Variants in EGR4 observed in about 807,000 individuals in gnomAD.
The protein encoded by EGR4 is early growth response protein 4.
In EGR4, 22 loss-of-function variants were observed where a neutral mutation model predicts 25.4. The ratio of observed to expected loss-of-function variants is 0.87; its 90% CI spans 0.62 to 1.24. The LOEUF (loss-of-function observed/expected upper bound fraction) is 1.24. Among genes scored for constraint, EGR4 ranks in the 50% most tolerant of loss-of-function variants. The pLI is 0.00. For synonymous variants in EGR4, 375 were observed against 320.1 expected (o/e 1.17, Z -1.83); for missense variants, 742 against 702.9 (o/e 1.06, Z -0.63).
At position 73,292,387 on chromosome 2, in the gene EGR4, G is replaced by A. The variant is rs773828662; in HGVS notation, c.531C>T (p.Leu177=). ...GGCCGGGCTTGACGTCGGGCGGGGAGAGCTGAGGCTCATACAGGCACTGCG... is the reference window on the plus strand; with the variant it reads ...GGCCGGGCTTGACGTCGGGCGGGGAAAGCTGAGGCTCATACAGGCACTGCG... ...APSQCLYEPQ[L]SPPDVKPGLR... The change falls in exon 2 of 2, where the codon CTC becomes CTT. Residue 177 remains leucine, a synonymous_variant. Coordinates refer to ENST00000436467, the MANE Select transcript of EGR4 (RefSeq NM_001965.4). The A allele has an allele frequency of 5.9e-6, 9 of 1,535,922 alleles. No individual in the cohort carries two copies. The African/African-American group carries it at 8.3e-5, about 14-fold the overall frequency.
chr2:73,292,902 T>C (rs960965107), intron 1 of EGR4, 121 bp from the exon 2 acceptor site: 4 of 1,184,288 alleles, frequency 3.4e-6, no homozygotes, highest in Non-Finnish European at 4.3e-6. Context: ...CACATTCTGA[T>C]TCAGCAGGGG....
chr2:73,291,666 T>TGCGGAG lies in EGR4; in HGVS notation c.1246_1251dup (p.Leu416_Arg417dup). 6.2e-7 allele frequency: 1 copy of TGCGGAG among 1,611,254 alleles called. No individual in the cohort carries two copies. Among genetic ancestry groups the TGCGGAG allele is most frequent in the Non-Finnish European group, 8.5e-7 (1 of 1,179,874 alleles). On this transcript the variant is annotated inframe_insertion, in exon 2 of 2. Transcript: ENST00000436467. Reference sequence around the variant, plus strand: ...GTGAGGTGGTCGCTGCGGCTGAAGTTGCGGAGGCAGATGCGGCACTGGAAG... The same window carrying TGCGGAG: ...GTGAGGTGGTCGCTGCGGCTGAAGTTGCGGAGGCGGAGGCAGATGCGGCACTGGAAG...
At position 73,293,356 on chromosome 2, in the gene EGR4, G is replaced by A. The variant is rs1441932303; in HGVS notation, c.-39C>T. Reference sequence around the variant, plus strand: ...CTGTGGGGCGCCCGGGGCCTCGCCCGCTGGGCTTGGGGGCGCGCGGGTGGC... The same window carrying A: ...CTGTGGGGCGCCCGGGGCCTCGCCCACTGGGCTTGGGGGCGCGCGGGTGGC... On this transcript the variant is annotated 5_prime_UTR_variant, in exon 1 of 2. Transcript: ENST00000436467. 3 of 1,533,614 alleles carry A rather than the reference G, an allele frequency of 2.0e-6. No individual in the cohort carries two copies. The highest frequency in any genetic ancestry group is 2.5e-5 in the East Asian group (1 of 39,974).
chr2:73,293,075 G>C, intron 1 of EGR4, 107 bp downstream of exon 1: 1 of 1,151,432 alleles, frequency 8.7e-7, no homozygotes, highest in Non-Finnish European at 1.1e-6. Context: ...GCTTCCCATC[G>C]CCCCTATTCT....
Position 73,291,621 on chromosome 2 carries a change from T to A in EGR4, c.1297A>T (p.Thr433Ser). Residue 433 changes from threonine to serine, a missense_variant, in exon 2 of 2, where the codon ACC becomes TCC. Physicochemically the swap from Thr to Ser is moderately conservative, Grantham distance 58. Transcript: ENST00000436467. ...DHLTTHVRTH[T>S]GEKPFACDVC... The stretch of plus-strand genomic sequence containing the variant: ...TCGCAAGCAAAAGGCTTCTCGCCGG[T>A]GTGGGTGCGCACGTGCGTGGTGAGG... 1 of 1,612,700 alleles carries A rather than the reference T, an allele frequency of 6.2e-7. No individual in the cohort carries two copies. Among genetic ancestry groups the A allele is most frequent in the East Asian group, 2.2e-5 (1 of 44,840 alleles).
In EGR4 at chr2:73,292,411, C is replaced by T. The variant is rs934565954; in HGVS notation, c.507G>A (p.Ser169=). 14 of 1,502,292 alleles carry T rather than the reference C, an allele frequency of 9.3e-6. No homozygotes were observed. Among genetic ancestry groups the T allele is most frequent in the Non-Finnish European group, 8.9e-6 (10 of 1,127,238 alleles). 93.1% of individuals were successfully genotyped at this position (1,502,292 alleles called of 1,614,324 possible). A position where few individuals can be genotyped will look rare whatever the true frequency, so the allele number is the denominator to read the frequency against. ...WEASPCAGAP[S]QCLYEPQLSP... is the part of the protein sequence containing the mutation. ...AGAGCTGAGGCTCATACAGGCACTG[C>T]GAGGGGGCACCCGCGCAAGGCGAGG... Residue 169 remains serine (S), a synonymous_variant, in exon 2 of 2, where the codon TCG becomes TCA. Coordinates refer to ENST00000436467, the MANE Select transcript of EGR4 (RefSeq NM_001965.4).
Position 73,291,993 on chromosome 2 carries a change from G to A in EGR4, c.925C>T (p.Pro309Ser). 1.2e-6 allele frequency: 2 copies of A among 1,601,616 alleles called. No individual in the cohort carries two copies. The highest frequency in any genetic ancestry group is 1.1e-5 in the South Asian group (1 of 88,920). ...DGGEFLASTQ[P>S]QLSPLGLRSA... ...CGAAGGCCCAGCGGGGAAAGCTGAG[G>A]CTGCGTACTGGCCAGAAACTCTCCG... The change falls in exon 2 of 2, where the codon CCT becomes TCT. Residue 309 changes from proline (P) to serine (S), a missense_variant. Physicochemically the swap from Pro to Ser is moderately conservative, Grantham distance 74 (BLOSUM62 -1). Coordinates refer to ENST00000436467, the MANE Select transcript of EGR4 (RefSeq NM_001965.4).
rs1689110029 is a variant in EGR4 at position 73,291,883 on chromosome 2, C to T, written c.1035G>A (p.Pro345=). The T allele has an allele frequency of 1.3e-6, 2 of 1,571,866 alleles. No individual in the cohort carries two copies. Among genetic ancestry groups the T allele is most frequent in the Admixed American group, 3.7e-5 (2 of 53,960 alleles). Residue 345 remains proline (P), a synonymous_variant, in exon 2 of 2, where the codon CCG becomes CCA. Transcript: ENST00000436467. ...CCTGGGGGAAAGGGGTGGGCGGCGG[C>T]GGCGGCACGGGTGGTGCAGCCACGC... ...SSGVAAPPVP[P]PPPTPFPQAK...
chr2:73,291,587 C>T lies in EGR4; in HGVS notation c.1331G>A (p.Gly444Asp). 3.1e-6 allele frequency: 5 copies of T among 1,612,490 alleles called. No individual in the cohort carries two copies. The highest frequency in any genetic ancestry group is 1.3e-5 in the African/African-American group (1 of 75,058). ...GEKPFACDVC[G>D]RRFARSDEKK... ...CTCATCGCTGCGCGCGAAGCGGCGG[C>T]CGCACACGTCGCAAGCAAAAGGCTT... Residue 444 changes from glycine (G) to aspartate (D), a missense_variant, in exon 2 of 2, where the codon GGC becomes GAC. Transcript: ENST00000436467.
chr2:73,291,247 A>G lies in EGR4; in HGVS notation c.*210T>C. 2 of 651,048 alleles carry G rather than the reference A, an allele frequency of 3.1e-6. No individual in the cohort carries two copies. Among genetic ancestry groups the G allele is most frequent in the Non-Finnish European group, 5.0e-6 (2 of 398,126 alleles). 40.3% of individuals were successfully genotyped at this position (651,048 alleles called of 1,614,324 possible). ...AGACTTCCCCCAAAGCGCGGCTGAC[A>G]AGGGTGACAGCGCCTGGACCGCGGG... On this transcript the variant is annotated 3_prime_UTR_variant, in exon 2 of 2. Transcript: ENST00000436467.
rs767497829 is a variant in EGR4 at position 73,292,669 on chromosome 2, G to C, written c.249C>G (p.Ser83Arg). 6.5e-7 allele frequency: 1 copy of C among 1,545,790 alleles called. No individual in the cohort carries two copies. The highest frequency in any genetic ancestry group is 8.7e-7 in the Non-Finnish European group (1 of 1,146,074). ...APTPPPGLSY[S>R]GSFFIQAVPE... ...GCACTGCCTGAATGAAGAAGCTACC[G>C]CTGTAGCTGAGGCCGGGAGGGGGTG... is the stretch of plus-strand genomic sequence containing the variant. Residue 83 changes from serine (S) to arginine (R), a missense_variant, in exon 2 of 2, where the codon AGC (serine) becomes AGG (arginine). Ser to Arg is a moderately radical substitution (Grantham distance 110). Coordinates refer to ENST00000436467, the MANE Select transcript of EGR4 (RefSeq NM_001965.4).
rs764768778 is a variant in EGR4 at position 73,292,155 on chromosome 2, C to T, written c.763G>A (p.Val255Ile). ...SISCPAELPAVPANRLYPSGA... is the reference protein window; with the variant it reads ...SISCPAELPAIPANRLYPSGA... ...CTGGGATAGAGTCTGTTGGCTGGGA[C>T]GGCCGGCAGTTCCGCAGGGCAGCTG... The change falls in exon 2 of 2, where the codon GTC becomes ATC. Residue 255 changes from valine to isoleucine, a missense_variant. By Grantham distance (29) the Val-to-Ile change is conservative. Coordinates refer to ENST00000436467, the MANE Select transcript of EGR4 (RefSeq NM_001965.4). 2.5e-6 allele frequency: 4 copies of T among 1,587,874 alleles called. No individual in the cohort carries two copies. Among genetic ancestry groups the T allele is most frequent in the South Asian group, 1.1e-5 (1 of 87,790 alleles).
At position 73,291,743 on chromosome 2, in the gene EGR4, G is replaced by A. The variant is rs867290442; in HGVS notation, c.1175C>T (p.Ala392Val). The change falls in exon 2 of 2, where the codon GCG becomes GTG. Residue 392 changes from alanine to valine, a missense_variant. Transcript: ENST00000436467. ...GTGGCGATTGAGCTCGTCGGAGCGC[G>A]CAAAGCTCCGCACACAACTCTCCAC... is the stretch of plus-strand genomic sequence containing the variant. ...CPVESCVRSF[A>V]RSDELNRHLR... 13 of 1,602,460 alleles carry A rather than the reference G, an allele frequency of 8.1e-6. No homozygotes were observed. The highest frequency in any genetic ancestry group is 1.1e-5 in the Non-Finnish European group (13 of 1,179,734).
Position 73,293,547 on chromosome 2 carries a change from TC to T in EGR4, c.-231del, listed in dbSNP as rs1254850903. ...TCGCCTCTCCAAAGCGCTGCCGGGC[TC>T]CCCCAGCCCACAGCCCCCCCACTTA... On this transcript the variant is annotated 5_prime_UTR_variant, in exon 1 of 2. Coordinates refer to ENST00000436467, the MANE Select transcript of EGR4 (RefSeq NM_001965.4). 4.0e-6 allele frequency: 6 copies of T among 1,500,264 alleles called. No individual in the cohort carries two copies. Among genetic ancestry groups the T allele is most frequent in the Admixed American group, 4.2e-5 (2 of 47,192 alleles). 92.9% of individuals were successfully genotyped at this position (1,500,264 alleles called of 1,614,324 possible).
rs932561246 is a variant in EGR4 at position 73,291,103 on chromosome 2, C to T, written c.*354G>A. On this transcript the variant is annotated 3_prime_UTR_variant, in exon 2 of 2. Transcript: ENST00000436467. ...TGCTGTACAAAGTCCCGCGCGAGAC[C>T]GCCTTGGCGCTGCCCCAGCCTGTCT... 9.8e-6 allele frequency: 3 copies of T among 307,612 alleles called. No homozygotes were observed. Among genetic ancestry groups the T allele is most frequent in the Admixed American group, 4.7e-5 (1 of 21,460 alleles). The allele number at this position is 307,612 out of a possible 1,614,324, so 19.1% of individuals were successfully genotyped here.
rs1689089162 is a variant in EGR4 at position 73,291,280 on chromosome 2, C to T, written c.*177G>A. ...CAGCGCCTGGACCGCGGGAACTGTC[C>T]GCGGAGCTGGTGCTGAATAGGGCGT... is the stretch of plus-strand genomic sequence containing the variant. On this transcript the variant is annotated 3_prime_UTR_variant, in exon 2 of 2. Coordinates refer to ENST00000436467, the MANE Select transcript of EGR4 (RefSeq NM_001965.4). 1.1e-6 allele frequency: 1 copy of T among 896,982 alleles called. No individual in the cohort carries two copies. 55.6% of individuals were successfully genotyped at this position (896,982 alleles called of 1,614,324 possible).
In EGR4 at chr2:73,291,255, C is replaced by A. The variant is rs1488062988; in HGVS notation, c.*202G>T. 8 of 706,752 alleles carry A rather than the reference C, an allele frequency of 1.1e-5. No homozygotes were observed. In the East Asian group the frequency reaches 2.3e-4, roughly 20 times the overall value. 43.8% of individuals were successfully genotyped at this position (706,752 alleles called of 1,614,324 possible). ...CCCAAAGCGCGGCTGACAAGGGTGACAGCGCCTGGACCGCGGGAACTGTCC... is the reference window on the plus strand; with the variant it reads ...CCCAAAGCGCGGCTGACAAGGGTGAAAGCGCCTGGACCGCGGGAACTGTCC... On this transcript the variant is annotated 3_prime_UTR_variant, in exon 2 of 2. Coordinates refer to ENST00000436467, the MANE Select transcript of EGR4 (RefSeq NM_001965.4).
chr2:73,291,277 G>A lies in EGR4; in HGVS notation c.*180C>T. On this transcript the variant is annotated 3_prime_UTR_variant, in exon 2 of 2. Transcript: ENST00000436467. Reference sequence around the variant, plus strand: ...TGACAGCGCCTGGACCGCGGGAACTGTCCGCGGAGCTGGTGCTGAATAGGG... The same window carrying A: ...TGACAGCGCCTGGACCGCGGGAACTATCCGCGGAGCTGGTGCTGAATAGGG... 1.1e-6 allele frequency: 1 copy of A among 874,070 alleles called. No homozygotes were observed. Among genetic ancestry groups the A allele is most frequent in the Admixed American group, 3.1e-5 (1 of 32,364 alleles). 54.1% of individuals were successfully genotyped at this position (874,070 alleles called of 1,614,324 possible). A position where few individuals can be genotyped will look rare whatever the true frequency, so the allele number is the denominator to read the frequency against.
Position 73,292,611 on chromosome 2 carries a change from T to C in EGR4, c.307A>G (p.Asn103Asp). Residue 103 changes from asparagine to aspartate, a missense_variant, in exon 2 of 2, where the codon AAC becomes GAC. Asn to Asp is a conservative substitution (Grantham distance 23, BLOSUM62 1). Transcript: ENST00000436467. ...AGGCCTAAGATGCCCGACATGAGGT[T>C]GAAGAGTGCCTCCGGGTCGTGCGGG... is the stretch of plus-strand genomic sequence containing the variant. ...EHPHDPEALF[N>D]LMSGILGLAP... 6.5e-7 allele frequency: 1 copy of C among 1,533,086 alleles called. No homozygotes were observed. The highest frequency in any genetic ancestry group is 8.8e-7 in the Non-Finnish European group (1 of 1,141,172). The allele number at this position is 1,533,086 out of a possible 1,614,324, so 95.0% of individuals were successfully genotyped here. A position where few individuals can be genotyped will look rare whatever the true frequency, so the allele number is the denominator to read the frequency against.
Sources: gnomAD v4.1 joint callset for allele counts on GRCh38, gnomAD v4.1.1 for gene constraint, MANE v1.5 for transcripts, NCBI Gene and HGNC (gene_info 2026-07-23, HGNC 2026-07-21) for gene names.